FMN1: variants seen among roughly 807,000 people sequenced by gnomAD.
FMN1 encodes the protein formin-1.
FMN1 carries 110 observed loss-of-function variants against 132.4 expected under a neutral mutation model. That is an observed-to-expected ratio of 0.83 (90% CI 0.71 to 0.97). The LOEUF is 0.97. FMN1 is among the 50% of genes least tolerant of loss of function. The pLI is 0.00. For missense variants in FMN1, 1,792 were observed against 1,705.3 expected, an observed-to-expected ratio of 1.05 and a Z score of -0.90; for synonymous variants, 722 against 651.7, an observed-to-expected ratio of 1.11 and a Z score of -1.64.
intron 16 of FMN1, 111 bp from the exon 17 acceptor site, chr15:32,857,218 A>C (rs906171116): frequency 3.3e-5 from 26 of 790,930 alleles, no homozygotes; most frequent in Middle Eastern, 2.3e-4. Context: ...ACTCCTTGTC[A>C]ACCACTGTTG....
At chr15:33,137,741 G>C in intron 4 of FMN1, among the ~76,000 whole-genome samples, 1 of 152,150 alleles carries the variant, frequency 6.6e-6, no homozygotes, top group East Asian at 1.9e-4. Flanking sequence ...GAGCTAAGAG[G>C]GGAGCATCAG....
chr15:32,963,973 CA>C (rs964840410), intron 9 of FMN1, 133 bp downstream of exon 9: 12 of 475,224 alleles, frequency 2.5e-5, no homozygotes, highest in Non-Finnish European at 4.0e-5. Context: ...TCCTATGATA[CA>C]CACACATATA....
At chr15:33,025,691 A>C (rs950243558) in intron 6 of FMN1, among the ~76,000 whole-genome samples, 2 of 152,192 alleles carry the variant, frequency 1.3e-5, no homozygotes, top group African/African-American at 4.8e-5. Flanking sequence ...GTGGTATCTC[A>C]CATTAACATA....
rs111779965 is a variant in FMN1 at position 32,917,282 on chromosome 15, C to T, written c.3227-6747G>A. On this transcript the variant is annotated intron_variant, in intron 10 of 20. Coordinates refer to ENST00000616417, the MANE Select transcript of FMN1 (RefSeq NM_001277313.2). The stretch of plus-strand genomic sequence containing the variant: ...CAAAATGGTCATAGTTCTCCTACAA[C>T]CTATACCTTGTGTTTCTCCTACTGG... Among the ~76,000 whole-genome samples, 163 of 152,312 alleles carry T rather than the reference C, an allele frequency of 1.1e-3. 1 individual carries two copies. The highest frequency in any genetic ancestry group is 3.7e-3 in the African/African-American group (154 of 41,572).
intron 10 of FMN1, among the ~76,000 whole-genome samples, chr15:32,914,417 T>C (rs1042725246): frequency 2.6e-5 from 4 of 152,164 alleles, no homozygotes; most frequent in Admixed American, 1.3e-4. Flanking sequence ...GTTTAGGCAA[T>C]GGCAGGTAGT....
intron 17 of FMN1, among the ~76,000 whole-genome samples, chr15:32,832,715 T>C (rs1049633871): frequency 2.0e-5 from 3 of 151,666 alleles, no homozygotes; most frequent in African/African-American, 7.3e-5. Flanking sequence ...GAGGTGGAGG[T>C]TGCAGTGAGC....
chr15:33,022,984 TG>T (rs1289186542), intron 6 of FMN1, among the ~76,000 whole-genome samples: 1 of 136,140 alleles, frequency 7.3e-6, no homozygotes, highest in African/African-American at 2.8e-5. Flanking sequence ...AAGTTCTAGG[TG>T]GAAGTGAGCT....
At chr15:33,030,558 C>G (rs911752638) in intron 6 of FMN1, among the ~76,000 whole-genome samples, 2 of 152,120 alleles carry the variant, frequency 1.3e-5, no homozygotes, top group African/African-American at 2.4e-5. Context: ...AGTCACAAAA[C>G]CAAACAAATG....
intron 5 of FMN1, among the ~76,000 whole-genome samples, chr15:33,078,658 C>A (rs867963167): frequency 1.7e-4 from 24 of 141,238 alleles, no homozygotes; most frequent in Middle Eastern, 3.8e-3. Flanking sequence ...AAAAAAAAAA[C>A]AACTGGGCCA....
At chr15:32,806,974 A>C (rs1453208804) in intron 17 of FMN1, among the ~76,000 whole-genome samples, 3 of 152,208 alleles carry the variant, frequency 2.0e-5, no homozygotes, top group Admixed American at 2.0e-4. Context: ...TTTATCATGC[A>C]ACAACTGAAT....
chr15:32,798,216 A>ACAC (rs1286307994), intron 19 of FMN1, among the ~76,000 whole-genome samples: 1 of 140,876 alleles, frequency 7.1e-6, no homozygotes, highest in African/African-American at 2.6e-5. Context: ...ACACACACAC[A>ACAC]CCCCGTCTAT....
At chr15:32,849,254 G>A (rs1039932480) in intron 17 of FMN1, among the ~76,000 whole-genome samples, 1 of 151,546 alleles carries the variant, frequency 6.6e-6, no homozygotes, top group Non-Finnish European at 1.5e-5. Context: ...GCCTCCCAAA[G>A]TGCTGTGATT....
chr15:32,909,398 T>A (rs1567373362), intron 11 of FMN1, among the ~76,000 whole-genome samples: 1 of 152,182 alleles, frequency 6.6e-6, no homozygotes. Context: ...TACTTTCTGG[T>A]TTATTAACGA....
chr15:32,999,057 T>C (rs1380215842), intron 7 of FMN1, among the ~76,000 whole-genome samples: 2 of 152,194 alleles, frequency 1.3e-5, no homozygotes, highest in Admixed American at 6.5e-5. Context: ...ACTAAAATGA[T>C]GAATTAACAT....
chr15:32,877,634 A>AC (rs2059668776), intron 16 of FMN1, among the ~76,000 whole-genome samples: 1 of 152,146 alleles, frequency 6.6e-6, no homozygotes, highest in Non-Finnish European at 1.5e-5. Flanking sequence ...GTCTAATGGT[A>AC]CCTCCTCTAC....
At position 32,773,014 on chromosome 15, in the gene FMN1, T is replaced by C. The variant is rs191828511; in HGVS notation, c.*1296A>G. ...GCTCGGCCTCTTCAAGGCCTAAAAA[T>C]GAGTCTTTGATCATATTGTCCATTC... On this transcript the variant is annotated 3_prime_UTR_variant, in exon 21 of 21. Transcript: ENST00000616417. The C allele has an allele frequency of 5.3e-5, 8 of 152,322 alleles. No homozygotes were observed. Among genetic ancestry groups the C allele is most frequent in the African/African-American group, 1.9e-4 (8 of 41,562 alleles). The allele number at this position is 152,322 out of a possible 1,614,324, so 9.4% of individuals were successfully genotyped here. A position where few individuals can be genotyped will look rare whatever the true frequency, so the allele number is the denominator to read the frequency against.
At chr15:32,880,917 C>CAT (rs1352780814) in intron 16 of FMN1, among the ~76,000 whole-genome samples, 1 of 152,096 alleles carries the variant, frequency 6.6e-6, no homozygotes, top group East Asian at 1.9e-4. Context: ...TTACTTCCCC[C>CAT]ATATTAGTCA....
At chr15:32,938,706 C>G (rs1300314835) in intron 9 of FMN1, among the ~76,000 whole-genome samples, 1 of 152,122 alleles carries the variant, frequency 6.6e-6, no homozygotes, top group African/African-American at 2.4e-5. Flanking sequence ...ACTTACCCTG[C>G]CAAGTATTTG....
In FMN1 at chr15:32,862,402, A is replaced by G. The variant is rs556071051; in HGVS notation, c.3836-5295T>C. 7.9e-5 allele frequency among the ~76,000 whole-genome samples: 12 copies of G among 152,362 alleles called. No homozygotes were observed. The South Asian group carries it at 2.3e-3, about 29-fold the overall frequency. On this transcript the variant is annotated intron_variant, in intron 16 of 20. Transcript: ENST00000616417. ...TTAATTTCCGAAGTTAGTTACTACTAAGTGATCACTGTGAGACAGAGATGA... is the reference window on the plus strand; with the variant it reads ...TTAATTTCCGAAGTTAGTTACTACTGAGTGATCACTGTGAGACAGAGATGA...
Sources: gnomAD v4.1 joint callset for allele counts (sites outside exome capture counted in the v4.1 genomes callset) on GRCh38, gnomAD v4.1.1 for gene constraint, MANE v1.5 for transcripts, NCBI Gene and HGNC (gene_info 2026-07-23, HGNC 2026-07-21) for gene names.